The following DKK2 variants were observed in gnomAD, a reference collection of about 807,000 sequenced individuals.
DKK2 encodes dickkopf Wnt signaling pathway inhibitor 2, also known as dickkopf-related protein 2.
In DKK2, 11 loss-of-function variants were observed where a neutral mutation model predicts 28.1. That is an observed-to-expected ratio of 0.39 (90% CI 0.25 to 0.65). The LOEUF is 0.65. DKK2 is among the 30% of genes least tolerant of loss of function. DKK2 has a pLI of 0.47. For synonymous variants in DKK2, 135 were observed against 126.5 expected (o/e 1.07, Z -0.45); for missense variants, 326 against 335.5 (o/e 0.97, Z 0.22).
At chr4:106,929,100 C>T (rs1214700040) in intron 1 of DKK2, among the ~76,000 whole-genome samples, 1 of 152,174 alleles carries the variant, frequency 6.6e-6, no homozygotes, top group Non-Finnish European at 1.5e-5. Context: ...ATTGTCTAGT[C>T]TCATTTGATG....
chr4:106,972,094 C>CT (rs1255373684), intron 1 of DKK2, among the ~76,000 whole-genome samples: 7 of 152,044 alleles, frequency 4.6e-5, no homozygotes, highest in African/African-American at 1.7e-4. Flanking sequence ...TACTAATACA[C>CT]TTTTTTCAGT....
chr4:107,035,273 C>A lies in DKK2; in HGVS notation c.222+97G>T, dbSNP rs1267414973. On this transcript the variant is annotated intron_variant, in intron 1 of 3. Transcript: ENST00000285311. ...CGCCTGTTCTCTGTATCTGGGGCCA[C>A]GCTCCGAATGTTGCAAGATGCAATG... The A allele has an allele frequency of 3.6e-6, 5 of 1,397,188 alleles. No individual in the cohort carries two copies. In the Middle Eastern group the frequency reaches 5.6e-4, roughly 158 times the overall value. 86.5% of individuals were successfully genotyped at this position (1,397,188 alleles called of 1,614,324 possible).
intron 1 of DKK2, among the ~76,000 whole-genome samples, chr4:106,937,618 T>C (rs1380882855): frequency 6.6e-6 from 1 of 151,852 alleles, no homozygotes; most frequent in African/African-American, 2.4e-5. Flanking sequence ...CAAGCGGACC[T>C]AATAGACATC....
intron 1 of DKK2, among the ~76,000 whole-genome samples, chr4:107,000,117 C>T (rs929424877): frequency 4.6e-5 from 7 of 152,046 alleles, no homozygotes; most frequent in Admixed American, 1.3e-4. Flanking sequence ...TATGAATAGT[C>T]AAGGATAAAA....
chr4:106,936,311 T>A (rs1480965073), intron 1 of DKK2, among the ~76,000 whole-genome samples: 1 of 151,944 alleles, frequency 6.6e-6, no homozygotes, highest in African/African-American at 2.4e-5. Flanking sequence ...AAGAACTACG[T>A]GAAGAATGCA....
At chr4:107,011,159 A>C (rs1723511493) in intron 1 of DKK2, among the ~76,000 whole-genome samples, 1 of 151,492 alleles carries the variant, frequency 6.6e-6, no homozygotes, top group Admixed American at 6.6e-5. Flanking sequence ...ACTACAACAA[A>C]ACTTGACAGA....
chr4:106,953,759 G>T (rs781388215), intron 1 of DKK2, among the ~76,000 whole-genome samples: 3 of 152,154 alleles, frequency 2.0e-5, no homozygotes, highest in Non-Finnish European at 4.4e-5. Flanking sequence ...AGAATCATAG[G>T]ACATAGAGCT....
At chr4:106,978,119 T>C (rs1462650133) in intron 1 of DKK2, among the ~76,000 whole-genome samples, 1 of 152,088 alleles carries the variant, frequency 6.6e-6, no homozygotes, top group African/African-American at 2.4e-5. Context: ...GAAGCTTCAT[T>C]CTAGAGGGGC....
intron 1 of DKK2, among the ~76,000 whole-genome samples, chr4:106,944,231 T>A (rs1482972467): frequency 6.6e-6 from 1 of 152,086 alleles, no homozygotes; most frequent in Non-Finnish European, 1.5e-5. Flanking sequence ...CCTCATAGAA[T>A]GTCACCACCC....
intron 1 of DKK2, among the ~76,000 whole-genome samples, chr4:106,987,773 T>C (rs1723142035): frequency 6.6e-6 from 1 of 152,060 alleles, no homozygotes; most frequent in Admixed American, 6.5e-5. Context: ...CTACCTCATA[T>C]CTTCACAATA....
chr4:106,968,803 G>C (rs192942866), intron 1 of DKK2, among the ~76,000 whole-genome samples: 12 of 152,130 alleles, frequency 7.9e-5, no homozygotes, highest in African/African-American at 2.6e-4. Flanking sequence ...AAATTAAAGG[G>C]CTGGCTCTCC....
At chr4:107,033,631 A>G (rs1212453363) in intron 1 of DKK2, among the ~76,000 whole-genome samples, 1 of 152,190 alleles carries the variant, frequency 6.6e-6, no homozygotes, top group African/African-American at 2.4e-5. Context: ...CCCAGAAAAT[A>G]CATAGATTAG....
chr4:106,975,383 T>G (rs554311837), intron 1 of DKK2, among the ~76,000 whole-genome samples: 1 of 152,302 alleles, frequency 6.6e-6, no homozygotes, highest in East Asian at 1.9e-4. Context: ...GGGATTTTTT[T>G]GGTTGCTAGG....
rs916974784 is a variant in DKK2, at chr4:106,922,637, T to C, written c.*1317A>G. ...AATGAAACCTCACTACTCTGTCTAC[T>C]TCAGGAGTCCATTTTGTGAAACCTC... On this transcript the variant is annotated 3_prime_UTR_variant, in exon 4 of 4. Coordinates refer to ENST00000285311, the MANE Select transcript of DKK2 (RefSeq NM_014421.3). 4.6e-5 allele frequency: 7 copies of C among 152,212 alleles called. No individual in the cohort carries two copies. The highest frequency in any genetic ancestry group is 7.3e-5 in the Non-Finnish European group (5 of 68,046). The allele number at this position is 152,212 out of a possible 1,614,324, so 9.4% of individuals were successfully genotyped here. A position where few individuals can be genotyped will look rare whatever the true frequency, so the allele number is the denominator to read the frequency against.
At chr4:106,942,465 T>C (rs906676064) in intron 1 of DKK2, among the ~76,000 whole-genome samples, 2 of 152,156 alleles carry the variant, frequency 1.3e-5, no homozygotes, top group East Asian at 3.9e-4. Flanking sequence ...CCTTATTCAT[T>C]ACTCAGGATC....
chr4:106,964,960 T>TATAGATAGATG (rs1722746731), intron 1 of DKK2, among the ~76,000 whole-genome samples: 1 of 146,342 alleles, frequency 6.8e-6, no homozygotes, highest in African/African-American at 2.6e-5. Context: ...GATAGATAGA[T>TATAGATAGATG]ATAGATAGAT....
intron 1 of DKK2, among the ~76,000 whole-genome samples, chr4:106,936,086 C>T (rs1211798717): frequency 6.6e-6 from 1 of 152,110 alleles, no homozygotes; most frequent in Non-Finnish European, 1.5e-5. Context: ...AACACAGTTC[C>T]TCACCAGCAA....
chr4:106,961,489 C>T (rs2110350470), intron 1 of DKK2, among the ~76,000 whole-genome samples: 1 of 151,634 alleles, frequency 6.6e-6, no homozygotes, highest in Non-Finnish European at 1.5e-5. Context: ...AACAAACAAC[C>T]ATATAACAAT....
intron 1 of DKK2, among the ~76,000 whole-genome samples, chr4:106,984,741 T>C (rs1723091008): frequency 1.3e-5 from 2 of 152,216 alleles, no homozygotes; most frequent in African/African-American, 2.4e-5. Context: ...ACTTCATTCT[T>C]ACTAGCCAAA....
Sources: gnomAD v4.1 joint callset for allele counts (sites outside exome capture counted in the v4.1 genomes callset) on GRCh38, gnomAD v4.1.1 for gene constraint, MANE v1.5 for transcripts, NCBI Gene and HGNC (gene_info 2026-07-23, HGNC 2026-07-21) for gene names.